RRAS2: variants seen among roughly 807,000 people sequenced by gnomAD.
RRAS2 encodes ras-related protein R-Ras2.
RRAS2 carries 7 observed loss-of-function variants against 27.6 expected under a neutral mutation model. The ratio of observed to expected loss-of-function variants is 0.25; its 90% CI spans 0.14 to 0.48. The LOEUF (loss-of-function observed/expected upper bound fraction) is 0.48, where lower values mean the gene tolerates loss of function less well. Ranked by LOEUF, RRAS2 falls within the 20% of genes least tolerant of loss-of-function variation. The pLI, the probability that RRAS2 is intolerant of heterozygous loss-of-function variation, is 0.99. For synonymous variants in RRAS2, 86 were observed against 90.9 expected (o/e 0.95, Z 0.31); for missense variants, 178 against 256.2 (o/e 0.69, Z 2.08).
rs2134039598 is a variant in RRAS2 at position 14,352,763 on chromosome 11, A to AGAGAGAGAGAGAGAGG, written c.108+5999_108+6000insCCTCTCTCTCTCTCTC. On this transcript the variant is annotated intron_variant, in intron 1 of 5. Transcript: ENST00000256196. ...TTTTAAAATATATATATATAGAGAG[A>AGAGAGAGAGAGAGAGG]GAGAGAGAGAGAGAGAGGGAGAGAG... is the stretch of plus-strand genomic sequence containing the variant. Among the ~76,000 whole-genome samples the AGAGAGAGAGAGAGAGG allele has an allele frequency of 9.4e-5, 14 of 149,242 alleles. No homozygotes were observed. The South Asian group carries it at 3.0e-3, about 32-fold the overall frequency.
chr11:14,294,097 A>C (rs1455339618), intron 4 of RRAS2, among the ~76,000 whole-genome samples: 1 of 152,262 alleles, frequency 6.6e-6, no homozygotes, highest in Non-Finnish European at 1.5e-5. Context: ...ATTTAGTATT[A>C]ACACCGAATA....
intron 1 of RRAS2, among the ~76,000 whole-genome samples, chr11:14,332,781 G>C (rs1225500655): frequency 3.9e-5 from 6 of 152,012 alleles, no homozygotes; most frequent in African/African-American, 7.2e-5. Context: ...CACATGACAG[G>C]CTTTTCCAAG....
At chr11:14,354,738 G>A (rs748997563) in intron 1 of RRAS2, among the ~76,000 whole-genome samples, 1 of 143,280 alleles carries the variant, frequency 7.0e-6, no homozygotes, top group African/African-American at 2.6e-5. Context: ...GTGCAGTGGC[G>A]CAACCTTGAC....
intron 1 of RRAS2, among the ~76,000 whole-genome samples, chr11:14,318,878 A>C (rs1848167518): frequency 6.6e-6 from 1 of 152,210 alleles, no homozygotes; most frequent in East Asian, 1.9e-4. Context: ...GTATACTTTG[A>C]CTCACACTTA....
intron 1 of RRAS2, among the ~76,000 whole-genome samples, chr11:14,297,165 T>C (rs1358976255): frequency 6.6e-6 from 1 of 152,230 alleles, no homozygotes; most frequent in Non-Finnish European, 1.5e-5. Flanking sequence ...TGATCTACTT[T>C]GGACTGACTT....
At position 14,281,587 on chromosome 11, in the gene RRAS2, A is replaced by T; in HGVS notation, c.527+15T>A. The T allele has an allele frequency of 1.9e-6, 3 of 1,560,454 alleles. No individual in the cohort carries two copies. The highest frequency in any genetic ancestry group is 2.6e-6 in the Non-Finnish European group (3 of 1,147,846). On this transcript the variant is annotated intron_variant, in intron 5 of 5. Coordinates refer to ENST00000256196, the MANE Select transcript of RRAS2 (RefSeq NM_012250.6). Reference sequence around the variant, plus strand: ...TAATTTATTAAAACACACATCTAGAATGTGTTTTGCTTACCTGATAACCCG... The same window carrying T: ...TAATTTATTAAAACACACATCTAGATTGTGTTTTGCTTACCTGATAACCCG...
chr11:14,334,504 A>C (rs914517127), intron 1 of RRAS2, among the ~76,000 whole-genome samples: 3 of 151,810 alleles, frequency 2.0e-5, no homozygotes, highest in Non-Finnish European at 4.4e-5. Context: ...GATGGAGGGT[A>C]AAACTTTTTT....
intron 1 of RRAS2, among the ~76,000 whole-genome samples, chr11:14,324,584 T>C (rs1374799348): frequency 3.9e-5 from 6 of 152,164 alleles, no homozygotes; most frequent in Non-Finnish European, 4.4e-5. Flanking sequence ...AACCTAAAAT[T>C]TATAAGCAAG....
intron 4 of RRAS2, among the ~76,000 whole-genome samples, chr11:14,283,482 T>C (rs1438155730): frequency 1.3e-5 from 2 of 152,214 alleles, no homozygotes; most frequent in African/African-American, 2.4e-5. Flanking sequence ...ACAGAATCAG[T>C]AGTATTTCTT....
At chr11:14,341,095 C>A (rs933837563) in intron 1 of RRAS2, among the ~76,000 whole-genome samples, 5 of 152,154 alleles carry the variant, frequency 3.3e-5, no homozygotes, top group African/African-American at 1.2e-4. Flanking sequence ...AGAGTGGCAG[C>A]ACATTTTTTA....
chr11:14,325,375 G>T (rs1226265057), intron 1 of RRAS2, among the ~76,000 whole-genome samples: 1 of 149,056 alleles, frequency 6.7e-6, no homozygotes, highest in Non-Finnish European at 1.5e-5. Context: ...GCAGTGGCGC[G>T]ATCTTGGCTC....
chr11:14,357,821 C>T (rs1849115108), intron 1 of RRAS2, among the ~76,000 whole-genome samples: 2 of 152,262 alleles, frequency 1.3e-5, no homozygotes, highest in South Asian at 4.2e-4. Context: ...TATGCCACAC[C>T]TTTTAGGTTG....
chr11:14,364,451 A>G, exon 1 of RRAS2: 1 of 1,509,700 alleles, frequency 6.6e-7, no homozygotes, highest in Non-Finnish European at 8.9e-7. Flanking sequence ...TTTTAATGTG[A>G]ATGAATGGCT....
At chr11:14,323,927 G>C (rs1395829948) in intron 1 of RRAS2, among the ~76,000 whole-genome samples, 1 of 148,092 alleles carries the variant, frequency 6.8e-6, no homozygotes, top group Non-Finnish European at 1.5e-5. Context: ...ACAGACTAAA[G>C]AAAAACACTA....
intron 1 of RRAS2, among the ~76,000 whole-genome samples, chr11:14,337,631 C>A (rs1848614426): frequency 6.6e-6 from 1 of 152,136 alleles, no homozygotes; most frequent in South Asian, 2.1e-4. Flanking sequence ...TCCTACTGTG[C>A]CTAATTTATA....
chr11:14,358,122 C>G lies in RRAS2; in HGVS notation c.108+641G>C. The G allele has an allele frequency of 1.5e-6, 1 of 674,408 alleles. No homozygotes were observed. Among genetic ancestry groups the G allele is most frequent in the Non-Finnish European group, 1.8e-6 (1 of 545,838 alleles). The allele number at this position is 674,408 out of a possible 1,614,324, so 41.8% of individuals were successfully genotyped here. On this transcript the variant is annotated intron_variant, in intron 1 of 5. Coordinates refer to ENST00000256196, the MANE Select transcript of RRAS2 (RefSeq NM_012250.6). This position sits in a 1 kb window ranked among gnomAD's most constrained non-coding sequence, Gnocchi z 5.1. ...GGAATTCCTAGGAAATGGTCTCACC[C>G]CATCAGAGAACATTTTTAACTTCCT...
At chr11:14,310,915 A>C (rs150792534) in intron 1 of RRAS2, among the ~76,000 whole-genome samples, 6 of 152,298 alleles carry the variant, frequency 3.9e-5, no homozygotes, top group African/African-American at 1.4e-4. Flanking sequence ...ACAGGTTCTG[A>C]TACTTCCTTT....
intron 4 of RRAS2, among the ~76,000 whole-genome samples, chr11:14,293,125 A>G (rs1336478194): frequency 2.6e-3 from 19 of 7,208 alleles, no homozygotes; most frequent in African/African-American, 4.7e-3. Flanking sequence ...AACAAAACAA[A>G]TATATATATA....
chr11:14,340,057 G>A (rs1289959273), intron 1 of RRAS2, among the ~76,000 whole-genome samples: 2 of 150,624 alleles, frequency 1.3e-5, no homozygotes, highest in Non-Finnish European at 3.0e-5. Flanking sequence ...TTTGGGGGTT[G>A]TGGGGGAGGT....
Sources: allele counts gnomAD v4.1 joint callset (sites outside exome capture counted in the v4.1 genomes callset), GRCh38; gene constraint gnomAD v4.1.1; non-coding constraint Gnocchi (gnomAD v3.1); transcripts MANE v1.5; gene names NCBI Gene and HGNC (gene_info 2026-07-23, HGNC 2026-07-21).